TAAR1: variants seen among roughly 807,000 people sequenced by gnomAD.
TAAR1 encodes the protein trace amine associated receptor 1.
TAAR1 carries 1 observed loss-of-function variant against 1.2 expected under a neutral mutation model. The ratio of observed to expected loss-of-function variants is 0.81; its 90% CI spans 0.29 to 3.86. TAAR1 has a LOEUF of 3.86. Ranked by LOEUF, TAAR1 falls within the 30% of genes most tolerant of loss-of-function variation. The pLI is 0.18. For missense variants in TAAR1, 445 were observed against 405.6 expected, an observed-to-expected ratio of 1.10 and a Z score of -0.83; for synonymous variants, 153 against 132.2, an observed-to-expected ratio of 1.16 and a Z score of -1.08.
intron 1 of TAAR1, among the ~76,000 whole-genome samples, chr6:132,646,903 C>G (rs1042646409): frequency 6.6e-6 from 1 of 152,076 alleles, no homozygotes; most frequent in South Asian, 2.1e-4. Flanking sequence ...CAGAAAGAAC[C>G]AACTTGAGGT....
At chr6:132,647,532 GGGAA>G (rs1432317106) in intron 1 of TAAR1, among the ~76,000 whole-genome samples, 2 of 139,222 alleles carry the variant, frequency 1.4e-5, no homozygotes, top group Non-Finnish European at 3.0e-5. Context: ...GAGAGGAGGA[GGGAA>G]GGAAGGAAGA....
intron 1 of TAAR1, among the ~76,000 whole-genome samples, chr6:132,647,286 G>A (rs560553255): frequency 1.3e-5 from 2 of 151,514 alleles, no homozygotes; most frequent in Admixed American, 1.3e-4. Context: ...GTTTGAAACT[G>A]TCCCTTTTGT....
At chr6:132,647,622 AGGAAAGAAAGAAAGAAAG>A (rs1777693506) in intron 1 of TAAR1, among the ~76,000 whole-genome samples, 2 of 98,634 alleles carry the variant, frequency 2.0e-5, no homozygotes, top group African/African-American at 6.4e-5. Context: ...AGAAAGAAAA[AGGAAAGAAAGAAAGAAAG>A]AAAGAAAGAA....
intron 1 of TAAR1, among the ~76,000 whole-genome samples, chr6:132,654,173 G>T (rs1027709138): frequency 6.0e-5 from 9 of 151,222 alleles, no homozygotes; most frequent in Non-Finnish European, 1.2e-4. Context: ...TAGTTGTTAG[G>T]ATCAGATATT....
intron 1 of TAAR1, among the ~76,000 whole-genome samples, chr6:132,647,778 G>A (rs1170220074): frequency 1.3e-5 from 2 of 152,086 alleles, no homozygotes; most frequent in Non-Finnish European, 2.9e-5. Context: ...TATCACTTTG[G>A]TAGGAAAATG....
intron 1 of TAAR1, among the ~76,000 whole-genome samples, chr6:132,656,982 AAAAT>A (rs1387864412): frequency 6.6e-6 from 1 of 152,210 alleles, no homozygotes; most frequent in Non-Finnish European, 1.5e-5. Flanking sequence ...CAAGAGATGA[AAAAT>A]AAAAGCAACA....
At position 132,646,113 on chromosome 6, in the gene TAAR1, A is replaced by G. The variant is rs562897466; in HGVS notation, c.-110T>C. On this transcript the variant is annotated 5_prime_UTR_variant, in exon 2 of 2. The change abolishes an upstream ATG in the 5' untranslated region. Coordinates refer to ENST00000275216, the MANE Select transcript of TAAR1 (RefSeq NM_138327.4). ...TCTCATGTTTATTTTTTATTTGCAC[A>G]TACTTATCCCAGAAACCTAGGAGGA... The G allele has an allele frequency of 1.6e-6, 2 of 1,242,494 alleles. No individual in the cohort carries two copies. Among genetic ancestry groups the G allele is most frequent in the African/African-American group, 1.5e-5 (1 of 65,884 alleles). The allele number at this position is 1,242,494 out of a possible 1,614,324, so 77.0% of individuals were successfully genotyped here.
Position 132,644,813 on chromosome 6 carries a change from T to C in TAAR1, c.*171A>G, listed in dbSNP as rs1777640491. ...AGAATGGAAAAGCGTATACCTACTA[T>C]GTCCCAAATAGGAAATTACCTATAA... On this transcript the variant is annotated 3_prime_UTR_variant, in exon 2 of 2. Coordinates refer to ENST00000275216, the MANE Select transcript of TAAR1 (RefSeq NM_138327.4). Among the ~76,000 whole-genome samples the C allele has an allele frequency of 6.6e-6, 1 of 152,180 alleles. No individual in the cohort carries two copies. Among genetic ancestry groups the C allele is most frequent in the Non-Finnish European group, 1.5e-5 (1 of 67,972 alleles).
chr6:132,657,130 C>T (rs553836431), intron 1 of TAAR1, among the ~76,000 whole-genome samples: 1 of 152,138 alleles, frequency 6.6e-6, no homozygotes, highest in South Asian at 2.1e-4. Flanking sequence ...TTAACATTGG[C>T]CTGAAACTTA....
At chr6:132,649,635 T>G (rs1275012365) in intron 1 of TAAR1, among the ~76,000 whole-genome samples, 1 of 152,122 alleles carries the variant, frequency 6.6e-6, no homozygotes, top group Non-Finnish European at 1.5e-5. Flanking sequence ...ACATTCCTCT[T>G]CACATGGTGG....
intron 1 of TAAR1, among the ~76,000 whole-genome samples, chr6:132,655,096 CA>C (rs1307083437): frequency 1.3e-5 from 2 of 152,080 alleles, no homozygotes; most frequent in Non-Finnish European, 2.9e-5. Context: ...AATACAGTAG[CA>C]GCACAGGGAG....
chr6:132,657,744 A>G (rs1194870699), intron 1 of TAAR1, among the ~76,000 whole-genome samples: 2 of 152,072 alleles, frequency 1.3e-5, no homozygotes, highest in African/African-American at 4.8e-5. Flanking sequence ...AAGATTAACA[A>G]CAAAAAGAAA....
intron 1 of TAAR1, among the ~76,000 whole-genome samples, chr6:132,647,335 C>T (rs1777684064): frequency 6.8e-6 from 1 of 146,418 alleles, no homozygotes; most frequent in South Asian, 2.2e-4. Flanking sequence ...AATTCTAGAA[C>T]TTGGACTTAC....
chr6:132,651,079 T>A (rs771177498), intron 1 of TAAR1, among the ~76,000 whole-genome samples: 2 of 152,192 alleles, frequency 1.3e-5, no homozygotes, highest in Non-Finnish European at 2.9e-5. Flanking sequence ...AGTGGTAAGT[T>A]ATCAGGCCTC....
intron 1 of TAAR1, among the ~76,000 whole-genome samples, chr6:132,652,306 C>CTTTT (rs11458413): frequency 2.9e-5 from 4 of 139,862 alleles, no homozygotes; most frequent in Non-Finnish European, 3.1e-5. Context: ...AGATATTCTG[C>CTTTT]TTTTTTTTTT....
At chr6:132,656,410 CAG>C (rs1777804603) in intron 1 of TAAR1, among the ~76,000 whole-genome samples, 1 of 151,594 alleles carries the variant, frequency 6.6e-6, no homozygotes, top group Non-Finnish European at 1.5e-5. Context: ...AAGGGAGAAA[CAG>C]AGATAAATAG....
chr6:132,656,483 G>C (rs568823003), intron 1 of TAAR1, among the ~76,000 whole-genome samples: 1 of 152,228 alleles, frequency 6.6e-6, no homozygotes, highest in East Asian at 1.9e-4. Flanking sequence ...GAAGGGAATG[G>C]CATGTGTTTT....
At chr6:132,658,337 G>A (rs533405419) in intron 1 of TAAR1, among the ~76,000 whole-genome samples, 13 of 152,170 alleles carry the variant, frequency 8.5e-5, no homozygotes, top group African/African-American at 3.1e-4. Context: ...TCATTTGTTT[G>A]CTCCTACATC....
chr6:132,645,481 G>T lies in TAAR1; in HGVS notation c.523C>A (p.His175Asn). The T allele has an allele frequency of 6.2e-7, 1 of 1,613,762 alleles. No individual in the cohort carries two copies. The part of the protein sequence containing the change: ...FKGAEEIYYK[H>N]VHCRGGCSVF... Reference sequence around the variant, plus strand: ...GAGCAACCTCCTCTGCAGTGAACATGTTTGTAATATATCTCTTCAGCGCCT... The same window carrying T: ...GAGCAACCTCCTCTGCAGTGAACATTTTTGTAATATATCTCTTCAGCGCCT... The change falls in exon 2 of 2, where the codon CAT becomes AAT. Residue 175 changes from histidine (H) to asparagine (N), a missense_variant. Coordinates refer to ENST00000275216, the MANE Select transcript of TAAR1 (RefSeq NM_138327.4).
Sources: gnomAD v4.1 joint callset for allele counts (sites outside exome capture counted in the v4.1 genomes callset) on GRCh38, gnomAD v4.1.1 for gene constraint, MANE v1.5 for transcripts, NCBI Gene and HGNC (gene_info 2026-07-23, HGNC 2026-07-21) for gene names.